The following DENND1A variants were observed in gnomAD, a reference collection of about 807,000 sequenced individuals.
DENND1A encodes the protein DENN domain containing 1A.
Under a neutral mutation model 113.7 loss-of-function variants are expected in DENND1A, and 51 were observed. That is an observed-to-expected ratio of 0.45 (90% CI 0.36 to 0.57). The LOEUF (loss-of-function observed/expected upper bound fraction) is 0.57, where lower values mean the gene tolerates loss of function less well. Ranked by LOEUF, DENND1A falls within the 20% of genes least tolerant of loss-of-function variation. The pLI, the probability that DENND1A is intolerant of heterozygous loss-of-function variation, is 0.00. For missense variants in DENND1A, 1,258 were observed against 1,395.9 expected (o/e 0.90, Z 1.57); for synonymous variants, 565 against 570.8 (o/e 0.99, Z 0.14).
chr9:123,927,357 C>T (rs1434795557), intron 1 of DENND1A, among the ~76,000 whole-genome samples: 1 of 152,126 alleles, frequency 6.6e-6, no homozygotes, highest in Non-Finnish European at 1.5e-5. Context: ...TGTTAACAGC[C>T]TAATTCCTTG....
intron 11 of DENND1A, among the ~76,000 whole-genome samples, chr9:123,602,617 A>G (rs2137441476): frequency 6.6e-6 from 1 of 152,376 alleles, no homozygotes; most frequent in African/African-American, 2.4e-5. Context: ...CTTTCTTGCC[A>G]TGAGCCTATG....
chr9:123,382,457 C>T lies in DENND1A; in HGVS notation c.2188G>A (p.Ala730Thr), dbSNP rs540955950. ...CGGTTCTGGGGCCTTCGAGGCAGGGCCAGGGAGTTTCCGAGCAGGGCTGAG... is the reference window on the plus strand; with the variant it reads ...CGGTTCTGGGGCCTTCGAGGCAGGGTCAGGGAGTTTCCGAGCAGGGCTGAG... ...KPSALLGNSL[A>T]LPRRPQNRDS... Residue 730 changes from alanine to threonine, a missense_variant, in exon 24 of 24, where the codon GCC (alanine) becomes ACC (threonine). Around this residue, in one of 2 missense-constraint regions of DENND1A, gnomAD observed 1,159 missense variants for 1,231.7 expected, o/e 0.94. Coordinates refer to ENST00000394215, the MANE Select transcript of DENND1A (RefSeq NM_001352964.2). 2 of 1,612,932 alleles carry T rather than the reference C, an allele frequency of 1.2e-6. No individual in the cohort carries two copies. The highest frequency in any genetic ancestry group is 2.7e-5 in the African/African-American group (2 of 75,026).
chr9:123,590,203 C>G (rs944024352), intron 11 of DENND1A, among the ~76,000 whole-genome samples: 2 of 152,174 alleles, frequency 1.3e-5, no homozygotes, highest in African/African-American at 4.8e-5. Context: ...TAAGGTTTAT[C>G]TGCACAATTA....
rs577994325 is a variant in DENND1A at position 123,502,769 on chromosome 9, C to T, written c.994-44872G>A. Among the ~76,000 whole-genome samples the T allele has an allele frequency of 6.6e-5, 10 of 152,338 alleles. No individual in the cohort carries two copies. The South Asian group carries it at 1.0e-3, about 16-fold the overall frequency. ...AAGAAGCCATTGCTAAAACCAGTGT[C>T]GTGAAGCTTTTGCCCAATGTTTTCT... On this transcript the variant is annotated intron_variant, in intron 13 of 23. Transcript: ENST00000394215.
intron 2 of DENND1A, among the ~76,000 whole-genome samples, chr9:123,803,210 G>A (rs1423611540): frequency 6.6e-6 from 1 of 152,126 alleles, no homozygotes; most frequent in African/African-American, 2.4e-5. Flanking sequence ...GCTGTTTCAT[G>A]TATACTTGGA....
intron 10 of DENND1A, among the ~76,000 whole-genome samples, chr9:123,613,560 T>C (rs1424303935): frequency 1.3e-5 from 2 of 152,212 alleles, no homozygotes; most frequent in African/African-American, 4.8e-5. Context: ...TAATAGCAAA[T>C]GTATATACTC....
At chr9:123,757,643 C>A in intron 5 of DENND1A, 60 bp downstream of exon 5, 1 of 1,585,838 alleles carries the variant, frequency 6.3e-7, no homozygotes, top group Admixed American at 1.7e-5. Context: ...TACGGAAGAG[C>A]AATGCAGAAG....
chr9:123,518,303 C>T (rs1284830483), intron 13 of DENND1A, among the ~76,000 whole-genome samples: 2 of 152,134 alleles, frequency 1.3e-5, no homozygotes, highest in Non-Finnish European at 2.9e-5. Flanking sequence ...ATAAAGAAGG[C>T]ACTCATTATA....
At chr9:123,796,758 C>CACAA (rs1554760064) in intron 2 of DENND1A, among the ~76,000 whole-genome samples, 1 of 131,962 alleles carries the variant, frequency 7.6e-6, no homozygotes, top group African/African-American at 3.0e-5. Flanking sequence ...TGTGTACATA[C>CACAA]ACACACACAC....
intron 5 of DENND1A, among the ~76,000 whole-genome samples, chr9:123,728,506 A>AC (rs1396086030): frequency 1.4e-5 from 2 of 145,814 alleles, no homozygotes; most frequent in African/African-American, 2.7e-5. Flanking sequence ...AAAAAAAAAA[A>AC]AAAACAGGCA....
chr9:123,609,368 T>C, intron 11 of DENND1A, 68 bp downstream of exon 11: 6 of 1,557,272 alleles, frequency 3.9e-6, no homozygotes, highest in Non-Finnish European at 4.4e-6. Flanking sequence ...AGACTGGGTC[T>C]CTCCACCGCC....
intron 19 of DENND1A, among the ~76,000 whole-genome samples, chr9:123,420,692 T>C (rs1434497333): frequency 6.6e-6 from 1 of 152,078 alleles, no homozygotes; most frequent in East Asian, 1.9e-4. Context: ...GCTGGTTAAT[T>C]TGTAGTGGCA....
intron 9 of DENND1A, among the ~76,000 whole-genome samples, chr9:123,648,418 T>C (rs921901125): frequency 6.6e-6 from 1 of 152,226 alleles, no homozygotes; most frequent in Admixed American, 6.5e-5. Flanking sequence ...TTATTACTAA[T>C]GTGGTTGAGT....
chr9:123,901,365 T>C (rs943202054), intron 1 of DENND1A, among the ~76,000 whole-genome samples: 1 of 152,202 alleles, frequency 6.6e-6, no homozygotes, highest in Non-Finnish European at 1.5e-5. Flanking sequence ...TCTTACAGAC[T>C]ATTCCCTCTC....
chr9:123,401,759 C>T (rs1166743239), intron 21 of DENND1A: 8 of 1,612,132 alleles, frequency 5.0e-6, no homozygotes, highest in Non-Finnish European at 6.8e-6. Flanking sequence ...CTCTTTGGCA[C>T]ACACTGCGAA....
chr9:123,715,141 G>A (rs746301202), intron 5 of DENND1A, among the ~76,000 whole-genome samples: 15 of 151,934 alleles, frequency 9.9e-5, no homozygotes, highest in African/African-American at 2.4e-4. Context: ...CCAAGATCGC[G>A]CCACTGCACT....
intron 13 of DENND1A, among the ~76,000 whole-genome samples, chr9:123,468,236 A>T (rs2049114816): frequency 6.6e-6 from 1 of 152,186 alleles, no homozygotes; most frequent in African/African-American, 2.4e-5. Flanking sequence ...ATGTGGGTAG[A>T]GCTACCTGCC....
In DENND1A at chr9:123,674,540, A is replaced by C. The variant is rs562945767; in HGVS notation, c.372+2180T>G. On this transcript the variant is annotated intron_variant, in intron 6 of 23. Coordinates refer to ENST00000394215, the MANE Select transcript of DENND1A (RefSeq NM_001352964.2). ...GGTGACTAAAACCTTGCAAACAATT[A>C]AGCCAATTACAGGCAGATTTCCTAT... is the stretch of plus-strand genomic sequence containing the variant. 4.6e-5 allele frequency among the ~76,000 whole-genome samples: 7 copies of C among 152,318 alleles called. No homozygotes were observed. The South Asian group carries it at 1.5e-3, about 32-fold the overall frequency.
At chr9:123,430,024 G>A (rs2046018872) in intron 19 of DENND1A, among the ~76,000 whole-genome samples, 1 of 152,136 alleles carries the variant, frequency 6.6e-6, no homozygotes, top group Non-Finnish European at 1.5e-5. Context: ...ATTAAAAAGT[G>A]AGCAAAGGAC....
Sources: allele counts gnomAD v4.1 joint callset (sites outside exome capture counted in the v4.1 genomes callset), GRCh38; gene constraint gnomAD v4.1.1; regional missense constraint gnomAD v4.1.1; transcripts MANE v1.5; gene names NCBI Gene and HGNC (gene_info 2026-07-23, HGNC 2026-07-21).